The following EPCIP variants were observed in gnomAD, a reference collection of about 807,000 sequenced individuals.
EPCIP encodes the protein exosomal polycystin 1 interacting protein, also known as exosomal polycystin-1-interacting protein.
At chr21:32,806,341 C>G in the EPCIP span, among the ~76,000 whole-genome samples, 1 of 152,202 alleles carries the variant, frequency 6.6e-6, no homozygotes, top group Non-Finnish European at 1.5e-5. Context: ...GGTCATCAAG[C>G]AACAGGGAGC....
the EPCIP span, among the ~76,000 whole-genome samples, chr21:32,800,508 G>T: frequency 6.6e-6 from 1 of 152,166 alleles, no homozygotes; most frequent in Non-Finnish European, 1.5e-5. Flanking sequence ...ATGCACAAAG[G>T]CTCAAATATT....
At chr21:32,792,764 C>G in the EPCIP span, among the ~76,000 whole-genome samples, 4 of 152,272 alleles carry the variant, frequency 2.6e-5, no homozygotes, top group African/African-American at 9.6e-5. Flanking sequence ...CTGGTCCCCC[C>G]ATTTGATCCT....
At chr21:32,792,047 G>A in the EPCIP span, among the ~76,000 whole-genome samples, 1 of 152,162 alleles carries the variant, frequency 6.6e-6, no homozygotes, top group African/African-American at 2.4e-5. Flanking sequence ...TGGGATTACA[G>A]GCATGCACCA....
chr21:32,793,748 A>G, the EPCIP span: 4 of 1,612,520 alleles, frequency 2.5e-6, no homozygotes, highest in Non-Finnish European at 3.4e-6. Context: ...AGGCAGCTGG[A>G]CACAGTTATT....
the EPCIP span, among the ~76,000 whole-genome samples, chr21:32,801,146 A>G: frequency 6.6e-6 from 1 of 152,192 alleles, no homozygotes; most frequent in Non-Finnish European, 1.5e-5. Flanking sequence ...GAATCCCTGA[A>G]TGATTGTATG....
chr21:32,800,818 A>C, the EPCIP span, among the ~76,000 whole-genome samples: 3 of 67,706 alleles, frequency 4.4e-5, no homozygotes, highest in South Asian at 4.7e-4. Flanking sequence ...AAACAAAAAA[A>C]AAACCAAAAA....
At chr21:32,794,593 C>G in the EPCIP span, 2 of 661,012 alleles carry the variant, frequency 3.0e-6, no homozygotes, top group Non-Finnish European at 5.1e-6. Flanking sequence ...TCTTGCAGTT[C>G]TAGTAACTGT....
the EPCIP span, among the ~76,000 whole-genome samples, chr21:32,795,733 T>C: frequency 6.6e-6 from 1 of 152,088 alleles, no homozygotes; most frequent in African/African-American, 2.4e-5. Context: ...GGGTGTAAGA[T>C]GAGGCCACAA....
At chr21:32,809,156 G>A in the EPCIP span, among the ~76,000 whole-genome samples, 1 of 150,398 alleles carries the variant, frequency 6.6e-6, no homozygotes, top group Admixed American at 6.7e-5. Flanking sequence ...ATCACGGCAT[G>A]TTGTGGGGAC....
chr21:32,812,336 G>A, the EPCIP span, among the ~76,000 whole-genome samples: 1 of 152,192 alleles, frequency 6.6e-6, no homozygotes, highest in Non-Finnish European at 1.5e-5. Context: ...AGAACTGTGA[G>A]GCCTGCCTGT....
the EPCIP span, chr21:32,793,686 G>T: frequency 2.2e-6 from 3 of 1,358,390 alleles, no homozygotes; most frequent in Non-Finnish European, 3.2e-6. Flanking sequence ...CCTATCTCAC[G>T]GCCTTATTTC....
chr21:32,806,249 C>T, the EPCIP span, among the ~76,000 whole-genome samples: 2 of 152,140 alleles, frequency 1.3e-5, no homozygotes, highest in Admixed American at 1.3e-4. Context: ...TCAGCTCTAG[C>T]ACAGTGAGGA....
At chr21:32,800,135 C>A in the EPCIP span, among the ~76,000 whole-genome samples, 1 of 152,202 alleles carries the variant, frequency 6.6e-6, no homozygotes, top group East Asian at 1.9e-4. Flanking sequence ...CATTTCAAAT[C>A]TGTTTTGGGC....
the EPCIP span, among the ~76,000 whole-genome samples, chr21:32,792,729 C>G: frequency 6.6e-6 from 1 of 152,164 alleles, no homozygotes; most frequent in Non-Finnish European, 1.5e-5. Flanking sequence ...CCAATTTTCA[C>G]TGCTGCATCC....
the EPCIP span, chr21:32,794,484 A>C: frequency 9.4e-6 from 14 of 1,492,838 alleles, no homozygotes; most frequent in Non-Finnish European, 1.2e-5. Flanking sequence ...GTTGGAACTC[A>C]CCTGAAAGAA....
the EPCIP span, among the ~76,000 whole-genome samples, chr21:32,807,447 C>G: frequency 6.6e-6 from 1 of 151,812 alleles, no homozygotes; most frequent in African/African-American, 2.4e-5. Flanking sequence ...ATTCTCCTGC[C>G]TCAGCCTCCC....
At chr21:32,799,772 T>C in the EPCIP span, among the ~76,000 whole-genome samples, 2 of 152,160 alleles carry the variant, frequency 1.3e-5, no homozygotes, top group Non-Finnish European at 2.9e-5. Flanking sequence ...GGAAACCCTG[T>C]CTCTACTAAA....
chr21:32,796,925 C>T, the EPCIP span: 1 of 468,198 alleles, frequency 2.1e-6, no homozygotes, highest in Non-Finnish European at 4.4e-6. Flanking sequence ...AAAGTGTCTG[C>T]CTCCCTGTTT....
chr21:32,800,471 A>G, the EPCIP span, among the ~76,000 whole-genome samples: 1 of 152,242 alleles, frequency 6.6e-6, no homozygotes. Flanking sequence ...ATGTCCAGTG[A>G]TTTAAAGGCT....
Sources: gnomAD v4.1 joint callset for allele counts (sites outside exome capture counted in the v4.1 genomes callset) on GRCh38, gnomAD v4.1.1 for gene constraint, MANE v1.5 for transcripts, NCBI Gene and HGNC (gene_info 2026-07-23, HGNC 2026-07-21) for gene names.